ANO4: variants seen among roughly 807,000 people sequenced by gnomAD.
ANO4 encodes anoctamin-4.
In ANO4, 69 loss-of-function variants were observed where a neutral mutation model predicts 141.9. That is an observed-to-expected ratio of 0.49 (90% confidence interval 0.40 to 0.59). ANO4 has a LOEUF of 0.59. Among genes scored for constraint, ANO4 ranks in the 20% least tolerant of loss-of-function variants. The probability of loss-of-function intolerance (pLI) is 0.00; values close to 1 mark genes in which losing one functional copy is unlikely to be tolerated. For synonymous variants in ANO4, 350 were observed against 394.3 expected (o/e 0.89, Z 1.33); for missense variants, 894 against 1,162.2 (o/e 0.77, Z 3.36).
chr12:101,063,745 C>CTTTTTTTTTTTTTTT lies in ANO4; in HGVS notation c.1312+15363_1312+15377dup. Among the ~76,000 whole-genome samples the CTTTTTTTTTTTTTTT allele has an allele frequency of 1.9e-3, 47 of 24,802 alleles. 10 individuals carry two copies. The highest frequency in any genetic ancestry group is 3.4e-3 in the African/African-American group (19 of 5,638). The allele number at this position is 24,802 out of a possible 152,430, so 16.3% of individuals were successfully genotyped here. On this transcript the variant is annotated intron_variant, in intron 14 of 27. Transcript: ENST00000392977. ...ATGGATGGAAGGTTGTCCAGGTTATCTTTTTTTTTTTTTTTTTTTTTTTTT... is the reference window on the plus strand; with the variant it reads ...ATGGATGGAAGGTTGTCCAGGTTATCTTTTTTTTTTTTTTTTTTTTTTTTTTTTTTTTTTTTTTTT...
At chr12:101,048,094 G>A in intron 13 of ANO4, 1 of 1,169,900 alleles carries the variant, frequency 8.5e-7, no homozygotes. Flanking sequence ...TATTGGGGAT[G>A]CTGATAAATG....
intron 9 of ANO4, among the ~76,000 whole-genome samples, chr12:101,020,670 G>C (rs1205459562): frequency 2.6e-5 from 4 of 152,138 alleles, no homozygotes; most frequent in Non-Finnish European, 5.9e-5. Flanking sequence ...CCCATGCAGA[G>C]GGAGCTGTAA....
At chr12:100,883,187 C>T (rs2039654934) in intron 1 of ANO4, among the ~76,000 whole-genome samples, 1 of 152,192 alleles carries the variant, frequency 6.6e-6, no homozygotes, top group African/African-American at 2.4e-5. Flanking sequence ...CAAATACAGT[C>T]CGTAAAACAT....
chr12:101,103,212 T>TCTTTTTGTTCTTGC, intron 22 of ANO4, among the ~76,000 whole-genome samples: 1 of 136,922 alleles, frequency 7.3e-6, no homozygotes, highest in Non-Finnish European at 1.6e-5. Context: ...TATATATATA[T>TCTTTTTGTTCTTGC]ATATATATAT....
Position 101,094,306 on chromosome 12 carries a change from T to C in ANO4, c.1738+14T>C, listed in dbSNP as rs766397507. ...TGACGAATTTAGGTGAGTGGAATCC[T>C]TTCTATTTCATAGAACTGTACTGTG... is the stretch of plus-strand genomic sequence containing the variant. On this transcript the variant is annotated intron_variant, in intron 18 of 27. Transcript: ENST00000392977. 84 of 1,601,974 alleles carry C rather than the reference T, an allele frequency of 5.2e-5. No homozygotes were observed. The highest frequency in any genetic ancestry group is 4.7e-4 in the Admixed American group (28 of 59,912).
chr12:101,048,029 C>G (rs2047700209), intron 13 of ANO4: 1 of 1,114,282 alleles, frequency 9.0e-7, no homozygotes, highest in Non-Finnish European at 1.1e-6. Flanking sequence ...TATCCATACA[C>G]ATATGTACGT....
intron 2 of ANO4, among the ~76,000 whole-genome samples, chr12:100,914,945 G>A (rs768181908): frequency 8.1e-4 from 123 of 152,260 alleles, no homozygotes; most frequent in Admixed American, 2.7e-3. Context: ...CTCCCAAGTA[G>A]ACGTGATTAC....
chr12:100,919,852 A>C (rs1317185367), intron 2 of ANO4, among the ~76,000 whole-genome samples: 1 of 151,860 alleles, frequency 6.6e-6, no homozygotes, highest in Non-Finnish European at 1.5e-5. Flanking sequence ...TTCCCACATC[A>C]TTAAGTATTC....
At chr12:100,969,521 A>G (rs508174) in intron 5 of ANO4, among the ~76,000 whole-genome samples, 1 of 152,208 alleles carries the variant, frequency 6.6e-6, no homozygotes. Flanking sequence ...GAGTATTTAT[A>G]ACCCTTGAAT....
chr12:100,764,280 A>C (rs2032991274), intron 3 of ANO4, among the ~76,000 whole-genome samples: 1 of 152,234 alleles, frequency 6.6e-6, no homozygotes, highest in African/African-American at 2.4e-5. Context: ...CTGACAAAGC[A>C]GTTCTGGAAC....
At chr12:101,117,068 T>C (rs949965154) in intron 25 of ANO4, among the ~76,000 whole-genome samples, 2 of 152,146 alleles carry the variant, frequency 1.3e-5, no homozygotes, top group African/African-American at 4.8e-5. Flanking sequence ...ACTAAAAATA[T>C]AGTAGTGAAG....
intron 1 of ANO4, chr12:100,733,626 T>C: frequency 3.6e-6 from 2 of 550,976 alleles, no homozygotes; most frequent in Non-Finnish European, 6.4e-6. Flanking sequence ...TCCCTAAACG[T>C]TGATGGGTGA....
chr12:100,777,321 G>T (rs2033556744), intron 3 of ANO4, among the ~76,000 whole-genome samples: 1 of 116,384 alleles, frequency 8.6e-6, no homozygotes, highest in Admixed American at 1.2e-4. Context: ...GTTTTGCCAT[G>T]TGGGCCGGGC....
intron 5 of ANO4, among the ~76,000 whole-genome samples, chr12:100,965,479 C>G (rs539774292): frequency 1.1e-4 from 16 of 152,300 alleles, no homozygotes; most frequent in African/African-American, 2.9e-4. Context: ...CAAGTGATCC[C>G]TGCCTGTAAC....
chr12:101,033,156 T>C (rs2047046555), intron 9 of ANO4, among the ~76,000 whole-genome samples: 1 of 152,212 alleles, frequency 6.6e-6, no homozygotes, highest in South Asian at 2.1e-4. Flanking sequence ...GATGAGTTCA[T>C]GTCCTTTGTA....
At chr12:100,939,529 TA>T in intron 4 of ANO4, 78 bp downstream of exon 4, 1 of 1,490,264 alleles carries the variant, frequency 6.7e-7, no homozygotes, top group African/African-American at 1.4e-5. Context: ...ATGGACTGTT[TA>T]AAGTCATAAT....
intron 3 of ANO4, among the ~76,000 whole-genome samples, chr12:100,936,374 A>G (rs2042286717): frequency 6.6e-6 from 1 of 152,078 alleles, no homozygotes. Context: ...TACCACTTTC[A>G]CTGTCCCCCT....
At chr12:100,922,672 A>G (rs2041683105) in intron 3 of ANO4, among the ~76,000 whole-genome samples, 1 of 152,118 alleles carries the variant, frequency 6.6e-6, no homozygotes, top group Non-Finnish European at 1.5e-5. Context: ...ACCTTTAAGA[A>G]AACAAAATAC....
intron 1 of ANO4, among the ~76,000 whole-genome samples, chr12:100,872,090 T>G (rs886463801): frequency 6.6e-6 from 1 of 152,204 alleles, no homozygotes; most frequent in Non-Finnish European, 1.5e-5. Flanking sequence ...AGTCTTAGTA[T>G]TAGTAGCCAA....
Sources: allele counts gnomAD v4.1 joint callset (sites outside exome capture counted in the v4.1 genomes callset), GRCh38; gene constraint gnomAD v4.1.1; transcripts MANE v1.5; gene names NCBI Gene and HGNC (gene_info 2026-07-23, HGNC 2026-07-21).